The following DAB1 variants were observed in gnomAD, a reference collection of about 807,000 sequenced individuals.
DAB1 encodes the protein disabled homolog 1.
In DAB1, 15 loss-of-function variants were observed where a neutral mutation model predicts 64.6. The ratio of observed to expected loss-of-function variants is 0.23; its 90% CI spans 0.16 to 0.36. The LOEUF is 0.36. Ranked by LOEUF, DAB1 falls within the 10% of genes least tolerant of loss-of-function variation. DAB1 has a pLI of 1.00. For missense variants in DAB1, 596 were observed against 706.7 expected (o/e 0.84, Z 1.78); for synonymous variants, 235 against 251.9 (o/e 0.93, Z 0.64).
At chr1:57,804,492 A>G (rs759923122) in intron 6 of DAB1, among the ~76,000 whole-genome samples, 9 of 152,080 alleles carry the variant, frequency 5.9e-5, no homozygotes, top group Admixed American at 3.3e-4. Flanking sequence ...TACTTCCTGA[A>G]CTTCTACCCA....
intron 7 of DAB1, among the ~76,000 whole-genome samples, chr1:57,560,545 G>T (rs530071468): frequency 6.6e-6 from 1 of 152,266 alleles, no homozygotes; most frequent in South Asian, 2.1e-4. Context: ...ACACCTAGTG[G>T]GTCTATGTGG....
intron 1 of DAB1, among the ~76,000 whole-genome samples, chr1:57,400,675 C>T (rs1683169639): frequency 1.3e-5 from 2 of 151,644 alleles, no homozygotes; most frequent in South Asian, 2.1e-4. Context: ...CTCACGTATC[C>T]TGGCCTGTTT....
chr1:57,021,835 G>A (rs1279315813), intron 11 of DAB1, among the ~76,000 whole-genome samples: 1 of 152,066 alleles, frequency 6.6e-6, no homozygotes, highest in East Asian at 1.9e-4. Context: ...TCTGCCTGGA[G>A]TACCTGGAAC....
intron 4 of DAB1, among the ~76,000 whole-genome samples, chr1:58,317,724 C>T (rs545526217): frequency 1.7e-4 from 26 of 152,342 alleles, no homozygotes; most frequent in Admixed American, 2.0e-4. Flanking sequence ...CCTGGTGAGT[C>T]CCTGAGCAGG....
At chr1:57,950,862 C>T (rs192728605) in intron 5 of DAB1, among the ~76,000 whole-genome samples, 92 of 152,292 alleles carry the variant, frequency 6.0e-4, no homozygotes, top group African/African-American at 2.1e-3. Flanking sequence ...TTTTGTTCTG[C>T]CCTGTGGACT....
chr1:58,457,048 T>C (rs887896159), intron 3 of DAB1, among the ~76,000 whole-genome samples: 10 of 152,152 alleles, frequency 6.6e-5, no homozygotes, highest in African/African-American at 2.4e-4. Flanking sequence ...AATCCATCCT[T>C]TCTGCCAGTA....
At chr1:57,789,880 C>T (rs150417003) in intron 6 of DAB1, among the ~76,000 whole-genome samples, 1 of 152,140 alleles carries the variant, frequency 6.6e-6, no homozygotes, top group Non-Finnish European at 1.5e-5. Flanking sequence ...AAAGGATTCT[C>T]AACAAGAAGT....
chr1:57,132,546 T>C (rs1657729470), intron 4 of DAB1, among the ~76,000 whole-genome samples: 2 of 152,152 alleles, frequency 1.3e-5, no homozygotes, highest in African/African-American at 4.8e-5. Context: ...AGCCCTGACA[T>C]GATGCTCAAA....
intron 4 of DAB1, among the ~76,000 whole-genome samples, chr1:58,270,817 C>G (rs1205866966): frequency 0.016 from 305 of 18,594 alleles, 127 homozygotes; most frequent in Admixed American, 0.029. Flanking sequence ...TGATTTGGCT[C>G]TCTGTTTGTC....
At chr1:57,454,794 C>T (rs888154234) in intron 7 of DAB1, among the ~76,000 whole-genome samples, 1 of 152,046 alleles carries the variant, frequency 6.6e-6, no homozygotes, top group African/African-American at 2.4e-5. Context: ...CTTTCACTCG[C>T]TTAACAGACC....
chr1:58,356,152 G>A (rs1000223699), intron 3 of DAB1, among the ~76,000 whole-genome samples: 3 of 152,178 alleles, frequency 2.0e-5, no homozygotes, highest in Non-Finnish European at 4.4e-5. Flanking sequence ...TCAAACTAGC[G>A]TCTGCATTAT....
chr1:57,487,305 A>T lies in DAB1; in HGVS notation n.625+162287T>A, dbSNP rs182868683. On this transcript the variant is annotated intron_variant and non_coding_transcript_variant, in intron 7 of 20. Transcript: ENST00000485760. ...TTTGGTGGTCTTCCTGGCATGGAAC[A>T]TCTTTGACCTCTTCCTCCACCCTGC... Among the ~76,000 whole-genome samples, 353 of 152,240 alleles carry T rather than the reference A, an allele frequency of 2.3e-3. 3 individuals are homozygous for T. Among genetic ancestry groups the T allele is most frequent in the African/African-American group, 8.0e-3 (333 of 41,540 alleles).
At chr1:57,510,416 TG>T (rs1208336638) in intron 7 of DAB1, among the ~76,000 whole-genome samples, 1 of 152,188 alleles carries the variant, frequency 6.6e-6, no homozygotes, top group Non-Finnish European at 1.5e-5. Context: ...TTGGAACCCT[TG>T]GGCTCTGGGA....
At chr1:58,008,617 G>A (rs762828443) in intron 5 of DAB1, among the ~76,000 whole-genome samples, 3 of 152,134 alleles carry the variant, frequency 2.0e-5, no homozygotes, top group Non-Finnish European at 4.4e-5. Flanking sequence ...TAAAAACAAG[G>A]TTAGGAATAT....
chr1:58,096,839 A>G (rs1651013302), intron 5 of DAB1, among the ~76,000 whole-genome samples: 2 of 152,222 alleles, frequency 1.3e-5, no homozygotes, highest in Admixed American at 1.3e-4. Context: ...ATCCCTCTCC[A>G]TAGGACCCAG....
At chr1:57,006,085 T>C (rs1646055353) in intron 14 of DAB1, among the ~76,000 whole-genome samples, 1 of 152,168 alleles carries the variant, frequency 6.6e-6, no homozygotes, top group Admixed American at 6.5e-5. Context: ...CCTGTGACAA[T>C]GGTAGAGTAG....
At chr1:58,284,302 C>T (rs1341095574) in intron 4 of DAB1, among the ~76,000 whole-genome samples, 1 of 152,206 alleles carries the variant, frequency 6.6e-6, no homozygotes, top group Admixed American at 6.5e-5. Flanking sequence ...GCCAGCTGGC[C>T]CATGGGCTCT....
rs60488976 is a variant in DAB1, at chr1:57,815,070, G to T, written n.551+68929C>A. Among the ~76,000 whole-genome samples the T allele has an allele frequency of 3.7e-3, 553 of 151,126 alleles. 4 individuals are homozygous for T. Among genetic ancestry groups the T allele is most frequent in the African/African-American group, 0.012 (493 of 41,138 alleles). ...TTTTTTTCTTCTTTTTGTTTTTTTTGTTTGTTTGTTTGTTTTTTTGAGACA... is the reference window on the plus strand; with the variant it reads ...TTTTTTTCTTCTTTTTGTTTTTTTTTTTTGTTTGTTTGTTTTTTTGAGACA... On this transcript the variant is annotated intron_variant and non_coding_transcript_variant, in intron 6 of 20. Coordinates refer to the DAB1 transcript ENST00000485760.
chr1:57,721,966 A>G (rs752554876), intron 6 of DAB1, among the ~76,000 whole-genome samples: 4 of 152,122 alleles, frequency 2.6e-5, no homozygotes, highest in Non-Finnish European at 4.4e-5. Flanking sequence ...AGGATTTTAA[A>G]CCAGAGCTAT....
Sources: gnomAD v4.1 joint callset for allele counts (sites outside exome capture counted in the v4.1 genomes callset) on GRCh38, gnomAD v4.1.1 for gene constraint, MANE v1.5 for transcripts, NCBI Gene and HGNC (gene_info 2026-07-23, HGNC 2026-07-21) for gene names.